Variants in WDR49 observed in about 807,000 individuals in gnomAD.
WDR49 encodes the protein cilia- and flagella-associated protein 337.
WDR49 carries 107 observed loss-of-function variants against 119.5 expected under a neutral mutation model. The observed-to-expected ratio is 0.90, with a 90% CI of 0.77 to 1.05. The LOEUF is 1.05. Ranked by LOEUF, WDR49 falls within the 50% of genes least tolerant of loss-of-function variation. The probability of loss-of-function intolerance (pLI) is 0.00; values close to 1 mark genes in which losing one functional copy is unlikely to be tolerated. For missense variants in WDR49, 1,240 were observed against 1,220.5 expected (o/e 1.02, Z -0.24); for synonymous variants, 425 against 418.8 (o/e 1.01, Z -0.18).
At chr3:167,561,419 T>G (rs570438452) in intron 8 of WDR49, among the ~76,000 whole-genome samples, 32 of 151,906 alleles carry the variant, frequency 2.1e-4, no homozygotes, top group African/African-American at 7.0e-4. Context: ...AGGAAATGGA[T>G]CTTTAAAGAG....
chr3:167,531,272 T>A lies in WDR49; in HGVS notation c.2061A>T (p.Lys687Asn). The part of the protein sequence containing the change: ...QRLLKSKLDT[K>N]PQKLLSAGRS... Reference sequence around the variant, plus strand: ...TCCCAGCACTGAGAAGTTTTTGAGGTTTTGTATCTGTGAGGGAGACAAAGC... The same window carrying A: ...TCCCAGCACTGAGAAGTTTTTGAGGATTTGTATCTGTGAGGGAGACAAAGC... The change falls in exon 13 of 19, where the codon AAA becomes AAT. Residue 687 changes from lysine to asparagine, a missense_variant. Lys to Asn is a moderately conservative substitution (Grantham distance 94). Transcript: ENST00000682715. 6.2e-7 allele frequency: 1 copy of A among 1,610,900 alleles called. No homozygotes were observed. The highest frequency in any genetic ancestry group is 8.5e-7 in the Non-Finnish European group (1 of 1,179,358).
intron 15 of WDR49, among the ~76,000 whole-genome samples, chr3:167,523,371 TGACA>T (rs1752522520): frequency 6.7e-6 from 1 of 148,330 alleles, no homozygotes; most frequent in Non-Finnish European, 1.5e-5. Flanking sequence ...TCTTAAGGAA[TGACA>T]TACATTCTTT....
chr3:167,523,382 C>CT (rs200074707), intron 15 of WDR49, among the ~76,000 whole-genome samples: 7,605 of 145,636 alleles, frequency 0.052, 598 homozygotes, highest in African/African-American at 0.17. Flanking sequence ...GACATACATT[C>CT]TTTTTTTTTT....
chr3:167,627,374 T>C, intron 2 of WDR49, 82 bp from the exon 3 acceptor site: 3 of 1,173,776 alleles, frequency 2.6e-6, no homozygotes, highest in Non-Finnish European at 3.2e-6. Context: ...CCCACAAAGG[T>C]GAATTTAATC....
intron 15 of WDR49, among the ~76,000 whole-genome samples, chr3:167,524,892 CT>C (rs533137226): frequency 1.0e-3 from 156 of 152,220 alleles, no homozygotes; most frequent in Non-Finnish European, 1.8e-3. Context: ...AACATGGGCT[CT>C]TTTTCAGTTC....
chr3:167,604,377 C>T lies in WDR49; in HGVS notation c.1050G>A (p.Lys350=). The T allele has an allele frequency of 1.2e-6, 2 of 1,613,698 alleles. No individual in the cohort carries two copies. The highest frequency in any genetic ancestry group is 1.7e-6 in the Non-Finnish European group (2 of 1,179,864). The change falls in exon 6 of 19, where the codon AAG becomes AAA. Residue 350 remains lysine, a synonymous_variant. Coordinates refer to ENST00000682715, the MANE Select transcript of WDR49 (RefSeq NM_001366157.1). ...TGTTGAAGGATGTCATATTAAGACG[C>T]TTTTTTGATTTCTCTCTCCAAGCCA... ...VVMAWREKSK[K]RLNMTSFNIA...
chr3:167,627,070 T>G lies in WDR49; in HGVS notation c.388A>C (p.Lys130Gln). Residue 130 changes from lysine to glutamine, a missense_variant, in exon 3 of 19, where the codon AAG becomes CAG. By Grantham distance (53) the Lys-to-Gln change is moderately conservative (BLOSUM62 1). Coordinates refer to ENST00000682715, the MANE Select transcript of WDR49 (RefSeq NM_001366157.1). ...TTTACTGGGAGGAATTCAAGGTCCTTCCACTGGGGCACCACAGTTGCCTTT... is the reference window on the plus strand; with the variant it reads ...TTTACTGGGAGGAATTCAAGGTCCTGCCACTGGGGCACCACAGTTGCCTTT... ...RAKATVVPQWKDLEFLPVKHK... is the reference protein window; with the variant it reads ...RAKATVVPQWQDLEFLPVKHK... 1 of 1,299,624 alleles carries G rather than the reference T, an allele frequency of 7.7e-7. No individual in the cohort carries two copies. The allele number at this position is 1,299,624 out of a possible 1,614,324, so 80.5% of individuals were successfully genotyped here.
chr3:167,508,057 A>G (rs1311272188), intron 16 of WDR49, among the ~76,000 whole-genome samples: 1 of 152,316 alleles, frequency 6.6e-6, no homozygotes, highest in East Asian at 1.9e-4. Context: ...CTTTGGCATC[A>G]ATCCTATGAG....
intron 10 of WDR49, among the ~76,000 whole-genome samples, chr3:167,543,584 C>T (rs1711975234): frequency 6.6e-6 from 1 of 151,846 alleles, no homozygotes; most frequent in South Asian, 2.1e-4. Flanking sequence ...TTGACAAAAT[C>T]CAGCATCACT....
chr3:167,606,897 C>CA (rs971514796), intron 5 of WDR49, among the ~76,000 whole-genome samples: 50 of 152,260 alleles, frequency 3.3e-4, no homozygotes, highest in African/African-American at 1.2e-3. Context: ...CATAGATTTA[C>CA]ATGACACAGG....
At chr3:167,485,660 A>T (rs1750891667) in intron 18 of WDR49, among the ~76,000 whole-genome samples, 1 of 152,032 alleles carries the variant, frequency 6.6e-6, no homozygotes, top group Non-Finnish European at 1.5e-5. Context: ...CTGAGGAAAA[A>T]CCTCAGCACT....
In WDR49 at chr3:167,590,624, T is replaced by C. The variant is rs529208065; in HGVS notation, c.1275+11503A>G. ...GGTTTTGAAAATTTTTATGGTTCAA[T>C]CTTGGTAGTTCGTATATGTCTAGGA... is the stretch of plus-strand genomic sequence containing the variant. On this transcript the variant is annotated intron_variant, in intron 7 of 18. Coordinates refer to ENST00000682715, the MANE Select transcript of WDR49 (RefSeq NM_001366157.1). Among the ~76,000 whole-genome samples the C allele has an allele frequency of 3.3e-5, 5 of 152,176 alleles. No individual in the cohort carries two copies. The East Asian group carries it at 9.6e-4, about 29-fold the overall frequency.
At chr3:167,585,795 A>C (rs1714781431) in intron 7 of WDR49, among the ~76,000 whole-genome samples, 1 of 152,026 alleles carries the variant, frequency 6.6e-6, no homozygotes, top group Admixed American at 6.6e-5. Flanking sequence ...ATATAGCAAA[A>C]CAATATAAGA....
intron 2 of WDR49, among the ~76,000 whole-genome samples, chr3:167,643,311 G>T (rs1717967961): frequency 1.3e-5 from 2 of 152,046 alleles, no homozygotes; most frequent in Non-Finnish European, 2.9e-5. Flanking sequence ...TAACTACGCA[G>T]TATTCTTTCC....
At chr3:167,539,967 T>G (rs1159971840) in intron 10 of WDR49, among the ~76,000 whole-genome samples, 1 of 152,192 alleles carries the variant, frequency 6.6e-6, no homozygotes, top group African/African-American at 2.4e-5. Context: ...GTGTGAATTA[T>G]TCTATGTTTT....
rs1174952443 is a variant in WDR49, at chr3:167,575,320, G to C, written c.1509+598C>G. ...TCTGCGCAGTAACTCTGCTCCAGGG[G>C]AGCCCTGCTTCTTCATTGAGATGCA... On this transcript the variant is annotated intron_variant, in intron 8 of 18. Coordinates refer to ENST00000682715, the MANE Select transcript of WDR49 (RefSeq NM_001366157.1). 4 of 985,356 alleles carry C rather than the reference G, an allele frequency of 4.1e-6. No individual in the cohort carries two copies. The East Asian group carries it at 4.5e-4, about 111-fold the overall frequency. 61.0% of individuals were successfully genotyped at this position (985,356 alleles called of 1,614,324 possible). A position where few individuals can be genotyped will look rare whatever the true frequency, so the allele number is the denominator to read the frequency against.
chr3:167,643,374 A>G (rs1219445871), intron 2 of WDR49, among the ~76,000 whole-genome samples: 2 of 152,140 alleles, frequency 1.3e-5, no homozygotes, highest in Non-Finnish European at 2.9e-5. Flanking sequence ...AAATCCAGAT[A>G]ATGGGATGTT....
chr3:167,650,409 G>T (rs1718320705), intron 2 of WDR49, among the ~76,000 whole-genome samples: 1 of 152,144 alleles, frequency 6.6e-6, no homozygotes, highest in African/African-American at 2.4e-5. Flanking sequence ...CCTTCAGGCT[G>T]ATATATGGCT....
intron 3 of WDR49, among the ~76,000 whole-genome samples, chr3:167,625,796 A>T (rs1246530181): frequency 1.3e-5 from 2 of 152,054 alleles, no homozygotes; most frequent in African/African-American, 4.8e-5. Flanking sequence ...TAGAAAAATC[A>T]GGGAATGGCT....
Sources: allele counts gnomAD v4.1 joint callset (sites outside exome capture counted in the v4.1 genomes callset), GRCh38; gene constraint gnomAD v4.1.1; transcripts MANE v1.5; gene names NCBI Gene and HGNC (gene_info 2026-07-23, HGNC 2026-07-21).